MUSK: variants seen among roughly 807,000 people sequenced by gnomAD.
MUSK encodes muscle associated receptor tyrosine kinase.
A neutral mutation model predicts 88.7 loss-of-function variants in MUSK; 55 were observed. The ratio of observed to expected loss-of-function variants is 0.62; its 90% CI spans 0.50 to 0.78. The LOEUF (loss-of-function observed/expected upper bound fraction) is 0.78. MUSK is among the 30% of genes least tolerant of loss of function. The pLI, the probability that MUSK is intolerant of heterozygous loss-of-function variation, is 0.00. For missense variants in MUSK, 1,015 were observed against 1,074.3 expected (o/e 0.94, Z 0.77); for synonymous variants, 387 against 391.9 (o/e 0.99, Z 0.15).
chr9:110,668,899 T>A lies in MUSK; in HGVS notation c.-6T>A. 1 of 1,612,878 alleles carries A rather than the reference T, an allele frequency of 6.2e-7. No individual in the cohort carries two copies. The highest frequency in any genetic ancestry group is 1.1e-5 in the South Asian group (1 of 91,040). On this transcript the variant is annotated 5_prime_UTR_variant, in exon 1 of 15. Transcript: ENST00000374448. The stretch of plus-strand genomic sequence containing the variant: ...GAACTTCGTCCTGCGTGAGCCTGGA[T>A]TAATCATGAGAGAGCTCGTCAACAT...
At chr9:110,729,526 C>T (rs1300649536) in intron 5 of MUSK, among the ~76,000 whole-genome samples, 2 of 151,648 alleles carry the variant, frequency 1.3e-5, no homozygotes, top group African/African-American at 4.8e-5. Flanking sequence ...CTTAGTATCT[C>T]ATATAAAGTA....
intron 8 of MUSK, among the ~76,000 whole-genome samples, chr9:110,765,259 T>C (rs1194178963): frequency 6.6e-6 from 1 of 152,182 alleles, no homozygotes; most frequent in East Asian, 1.9e-4. Flanking sequence ...TTTTACATGG[T>C]GGAGTTTTTT....
Position 110,785,611 on chromosome 9 carries a change from G to A in MUSK, c.1671G>A (p.Met557Ile), listed in dbSNP as rs2077842761. The A allele has an allele frequency of 1.9e-6, 3 of 1,613,548 alleles. No individual in the cohort carries two copies. The highest frequency in any genetic ancestry group is 2.5e-6 in the Non-Finnish European group (3 of 1,179,718). The change falls in exon 13 of 15, where the codon ATG becomes ATA. Residue 557 changes from methionine (M) to isoleucine (I), a missense_variant. Transcript: ENST00000374448. The part of the protein sequence containing the change: ...RLHPNPMYQR[M>I]PLLLNPKLLS... ...ATCCCAACCCCATGTACCAGAGGATGCCGCTCCTTCTGAACCCCAAATTGC... is the reference window on the plus strand; with the variant it reads ...ATCCCAACCCCATGTACCAGAGGATACCGCTCCTTCTGAACCCCAAATTGC...
chr9:110,803,219 G>A lies in MUSK; in HGVS notation c.*2231G>A, dbSNP rs1407116462. Among the ~76,000 whole-genome samples the A allele has an allele frequency of 1.3e-5, 2 of 152,200 alleles. No individual in the cohort carries two copies. Among genetic ancestry groups the A allele is most frequent in the Admixed American group, 1.3e-4 (2 of 15,282 alleles). On this transcript the variant is annotated 3_prime_UTR_variant, in exon 15 of 15. Coordinates refer to ENST00000374448, the MANE Select transcript of MUSK (RefSeq NM_005592.4). ...CTAGCATTTATTGAAATCTTACCAT[G>A]TGTATTCTGAGGCCTTTAAATATAT...
chr9:110,775,730 C>G, intron 9 of MUSK, 58 bp from the exon 10 acceptor site: 1 of 1,516,606 alleles, frequency 6.6e-7, no homozygotes, highest in Non-Finnish European at 9.2e-7. Context: ...GGCTCTGCCA[C>G]AAATTTGCTT....
chr9:110,725,560 A>G (rs1463002798), intron 5 of MUSK, among the ~76,000 whole-genome samples: 1 of 152,054 alleles, frequency 6.6e-6, no homozygotes, highest in Non-Finnish European at 1.5e-5. Flanking sequence ...AAGAGCAGTC[A>G]TTGATTATTC....
chr9:110,695,614 A>C (rs2076421770), intron 4 of MUSK, 84 bp downstream of exon 4: 1 of 1,135,578 alleles, frequency 8.8e-7, no homozygotes, highest in South Asian at 1.6e-5. Flanking sequence ...ACACACTTAC[A>C]AACTTCTAGT....
intron 8 of MUSK, among the ~76,000 whole-genome samples, chr9:110,765,170 G>A (rs1227941823): frequency 6.6e-6 from 1 of 152,148 alleles, no homozygotes; most frequent in East Asian, 1.9e-4. Flanking sequence ...ATGAGTAACA[G>A]CATCATTGAA....
chr9:110,747,208 T>A (rs980072680), intron 6 of MUSK, among the ~76,000 whole-genome samples: 2 of 152,202 alleles, frequency 1.3e-5, no homozygotes, highest in African/African-American at 4.8e-5. Context: ...AAGGTGGTAG[T>A]TGGTTCAGAA....
intron 5 of MUSK, among the ~76,000 whole-genome samples, chr9:110,705,261 A>G (rs2076583228): frequency 6.6e-6 from 1 of 152,210 alleles, no homozygotes; most frequent in Non-Finnish European, 1.5e-5. Context: ...AAGTTTTGTC[A>G]AAGGTAATTG....
chr9:110,705,503 CTTCTT>C (rs1375133323), intron 5 of MUSK, among the ~76,000 whole-genome samples: 6 of 152,186 alleles, frequency 3.9e-5, no homozygotes, highest in Admixed American at 1.3e-4. Context: ...TCATCTGACT[CTTCTT>C]TTCTATGTAT....
chr9:110,781,598 C>CA (rs1452955341), intron 11 of MUSK, among the ~76,000 whole-genome samples: 1 of 152,104 alleles, frequency 6.6e-6, no homozygotes, highest in Admixed American at 6.5e-5. Context: ...TTAGTCTGTT[C>CA]AGGTTGCTAT....
chr9:110,759,728 T>A (rs2131919259), intron 7 of MUSK, among the ~76,000 whole-genome samples: 1 of 152,248 alleles, frequency 6.6e-6, no homozygotes, highest in Admixed American at 6.5e-5. Flanking sequence ...AAATGCTCAA[T>A]ATCACTAATC....
chr9:110,763,716 G>GT (rs1012358316), intron 8 of MUSK, among the ~76,000 whole-genome samples: 2 of 152,122 alleles, frequency 1.3e-5, no homozygotes, highest in Admixed American at 6.5e-5. Flanking sequence ...AGGGAGGGAA[G>GT]TAAGGTGTGG....
intron 7 of MUSK, among the ~76,000 whole-genome samples, chr9:110,748,375 G>A (rs1159001958): frequency 5.3e-5 from 8 of 152,124 alleles, no homozygotes; most frequent in African/African-American, 1.9e-4. Flanking sequence ...ATTTTTACCT[G>A]TGAGCATGAT....
chr9:110,746,304 A>C (rs866514307), intron 6 of MUSK, among the ~76,000 whole-genome samples: 1 of 152,104 alleles, frequency 6.6e-6, no homozygotes, highest in Non-Finnish European at 1.5e-5. Context: ...AAAAAGAACC[A>C]CCATTTAAAA....
At chr9:110,730,044 G>A (rs1436755979) in intron 5 of MUSK, among the ~76,000 whole-genome samples, 1 of 152,050 alleles carries the variant, frequency 6.6e-6, no homozygotes, top group African/African-American at 2.4e-5. Context: ...AGAATATAAT[G>A]TGGGTATGTT....
At chr9:110,705,107 T>A (rs778603630) in intron 5 of MUSK, among the ~76,000 whole-genome samples, 6 of 152,188 alleles carry the variant, frequency 3.9e-5, no homozygotes, top group Non-Finnish European at 7.3e-5. Context: ...AATTAATACA[T>A]GTATTTATGC....
At chr9:110,787,098 C>A (rs1278951027) in intron 13 of MUSK, among the ~76,000 whole-genome samples, 1 of 152,244 alleles carries the variant, frequency 6.6e-6, no homozygotes, top group East Asian at 1.9e-4. Flanking sequence ...CGCGATGGCT[C>A]ACACCTGTAA....
Sources: gnomAD v4.1 joint callset for allele counts (sites outside exome capture counted in the v4.1 genomes callset) on GRCh38, gnomAD v4.1.1 for gene constraint, MANE v1.5 for transcripts, NCBI Gene and HGNC (gene_info 2026-07-23, HGNC 2026-07-21) for gene names.